The following CEP170B variants were observed in gnomAD, a reference collection of about 807,000 sequenced individuals.
CEP170B encodes centrosomal protein 170B, also known as centrosomal protein of 170 kDa protein B.
CEP170B carries 55 observed loss-of-function variants against 120.6 expected under a neutral mutation model. That is an observed-to-expected ratio of 0.46 (90% CI 0.37 to 0.57). The LOEUF (loss-of-function observed/expected upper bound fraction) is 0.57. Among genes scored for constraint, CEP170B ranks in the 20% least tolerant of loss-of-function variants. The probability of loss-of-function intolerance (pLI) is 0.00; values close to 1 mark genes in which losing one functional copy is unlikely to be tolerated. For missense variants in CEP170B, 2,212 were observed against 2,253.3 expected (o/e 0.98, Z 0.37); for synonymous variants, 1,033 against 954.5 (o/e 1.08, Z -1.52).
Position 104,896,196 on chromosome 14 carries a change from A to G in CEP170B, c.*1238A>G. On this transcript the variant is annotated 3_prime_UTR_variant, in exon 19 of 19. Coordinates refer to ENST00000414716, the MANE Select transcript of CEP170B (RefSeq NM_001112726.3). ...CCTGGACAGGGCCAGCTGCTGGGGG[A>G]GCGGCACTGGGGACTGGAGGCTGGA... The G allele has an allele frequency of 4.7e-6, 1 of 210,634 alleles. No homozygotes were observed. Among genetic ancestry groups the G allele is most frequent in the South Asian group, 6.9e-5 (1 of 14,472 alleles). The allele number at this position is 210,634 out of a possible 1,614,324, so 13.0% of individuals were successfully genotyped here.
Position 104,896,330 on chromosome 14 carries a change from G to C in CEP170B, c.*1372G>C, listed in dbSNP as rs753257324. The stretch of plus-strand genomic sequence containing the variant: ...CCTGATGTTTACGTGTGTGTGTGAG[G>C]GGGGGCGGGGGTGGCAGGTGTCCCC... On this transcript the variant is annotated 3_prime_UTR_variant, in exon 19 of 19. Coordinates refer to ENST00000414716, the MANE Select transcript of CEP170B (RefSeq NM_001112726.3). 10 of 339,408 alleles carry C rather than the reference G, an allele frequency of 2.9e-5. No individual in the cohort carries two copies. The highest frequency in any genetic ancestry group is 5.3e-5 in the Non-Finnish European group (9 of 170,180). 21.0% of individuals were successfully genotyped at this position (339,408 alleles called of 1,614,324 possible). A position where few individuals can be genotyped will look rare whatever the true frequency, so the allele number is the denominator to read the frequency against.
rs2140614364 is a variant in CEP170B at position 104,868,529 on chromosome 14, C to T, written c.79C>T (p.Arg27Cys). Residue 27 changes from arginine (R) to cysteine (C), a missense_variant, in exon 2 of 19, where the codon CGT (arginine) becomes TGT (cysteine). By Grantham distance (180) the Arg-to-Cys change is radical (BLOSUM62 -3). Around this residue, in one of 2 missense-constraint regions of CEP170B, gnomAD observed 46 missense variants for 86.6 expected, o/e 0.53. Coordinates refer to ENST00000414716, the MANE Select transcript of CEP170B (RefSeq NM_001112726.3). The surrounding 1 kb of genome is among the most constrained non-coding windows in gnomAD (Gnocchi z 5.9). ...CCCTCGGGAGCTCATCTTCGTGGGG[C>T]GTGAGGAGTGTGAGCTCATGCTACA... The part of the protein sequence containing the change: ...RLPRELIFVG[R>C]EECELMLQSR... 1.3e-6 allele frequency: 2 copies of T among 1,549,696 alleles called. No individual in the cohort carries two copies.
At chr14:104,872,652 G>A (rs939648891) in intron 2 of CEP170B, among the ~76,000 whole-genome samples, 2 of 152,162 alleles carry the variant, frequency 1.3e-5, no homozygotes, top group Admixed American at 6.5e-5. Context: ...TGCTGCCCCA[G>A]AGACCACAGC....
Position 104,886,860 on chromosome 14 carries a change from C to T in CEP170B, c.2621C>T (p.Ala874Val). 6.2e-7 allele frequency: 1 copy of T among 1,610,840 alleles called. No homozygotes were observed. Among genetic ancestry groups the T allele is most frequent in the African/African-American group, 1.3e-5 (1 of 75,050 alleles). The stretch of plus-strand genomic sequence containing the variant: ...CAAGAGAGCTTCACTAAGGAGCCAG[C>T]CAGTGGTCCCCCAGCGCCCGGCAAG... ...LRQESFTKEP[A>V]SGPPAPGKPP... is the part of the protein sequence containing the mutation. The change falls in exon 12 of 19, where the codon GCC becomes GTC. Residue 874 changes from alanine (A) to valine (V), a missense_variant. Around this residue, in one of 2 missense-constraint regions of CEP170B, gnomAD observed 2,166 missense variants for 2,166.7 expected, o/e 1.00. Coordinates refer to ENST00000414716, the MANE Select transcript of CEP170B (RefSeq NM_001112726.3).
Position 104,867,512 on chromosome 14 carries a change from C to G in CEP170B, c.-27-912C>G, listed in dbSNP as rs934889385. 6.6e-6 allele frequency among the ~76,000 whole-genome samples: 1 copy of G among 152,186 alleles called. No individual in the cohort carries two copies. The highest frequency in any genetic ancestry group is 1.5e-5 in the Non-Finnish European group (1 of 68,034). On this transcript the variant is annotated intron_variant, in intron 1 of 18. Coordinates refer to ENST00000414716, the MANE Select transcript of CEP170B (RefSeq NM_001112726.3). This position sits in a 1 kb window ranked among gnomAD's most constrained non-coding sequence, Gnocchi z 5.4. ...CCAGGCCGCCTAGCCCATAGCAGCA[C>G]TCAGGATGTGCTGGGCAGTGGGGTG...
chr14:104,896,407 C>T lies in CEP170B; in HGVS notation c.*1449C>T, dbSNP rs530612840. ...TGTCTGTATGGAGGAGGTGCTAGCC[C>T]GGTCCACCGGGCTGCTGCCCACCCC... is the stretch of plus-strand genomic sequence containing the variant. On this transcript the variant is annotated 3_prime_UTR_variant, in exon 19 of 19. Coordinates refer to ENST00000414716, the MANE Select transcript of CEP170B (RefSeq NM_001112726.3). The T allele has an allele frequency of 1.3e-4, 49 of 367,012 alleles. 1 individual carries two copies. The highest frequency in any genetic ancestry group is 5.9e-4 in the South Asian group (30 of 50,696). 22.7% of individuals were successfully genotyped at this position (367,012 alleles called of 1,614,324 possible). A position where few individuals can be genotyped will look rare whatever the true frequency, so the allele number is the denominator to read the frequency against.
intron 7 of CEP170B, 22 bp from the exon 8 acceptor site, chr14:104,883,013 T>G (rs1238607625): frequency 6.7e-7 from 1 of 1,491,026 alleles, no homozygotes; most frequent in South Asian, 1.3e-5. Context: ...AGGCCCGGTC[T>G]GAAGACATCT....
intron 13 of CEP170B, among the ~76,000 whole-genome samples, chr14:104,890,783 AGATG>A (rs1219163929): frequency 3.8e-3 from 47 of 12,318 alleles, no homozygotes; most frequent in South Asian, 5.2e-3. Flanking sequence ...ATGAGTGGGT[AGATG>A]GATGGATGGA....
chr14:104,878,070 T>C, intron 4 of CEP170B, 107 bp downstream of exon 4: 1 of 936,882 alleles, frequency 1.1e-6, no homozygotes, highest in Admixed American at 2.1e-5. Context: ...GGTTGCTGGG[T>C]AACAGAGCAC....
In CEP170B at chr14:104,886,047, C is replaced by G. The variant is rs779018906; in HGVS notation, c.1952C>G (p.Pro651Arg). 6.5e-7 allele frequency: 1 copy of G among 1,537,684 alleles called. No individual in the cohort carries two copies. The highest frequency in any genetic ancestry group is 1.4e-5 in the African/African-American group (1 of 72,458). ...CCACCCTCCTCTCCACAGGGCCTCCCGGTGCCGGGCTCCCCTGGGGGTCAG... is the reference window on the plus strand; with the variant it reads ...CCACCCTCCTCTCCACAGGGCCTCCGGGTGCCGGGCTCCCCTGGGGGTCAG... ...AAPQAEHQGL[P>R]VPGSPGGQKW... is the part of the protein sequence containing the mutation. The change falls in exon 11 of 19, where the codon CCG becomes CGG. Residue 651 changes from proline (P) to arginine (R), a missense_variant. Pro to Arg is a moderately radical substitution (Grantham distance 103, BLOSUM62 -2). Transcript: ENST00000414716.
Position 104,876,333 on chromosome 14 carries a change from C to G in CEP170B, c.183C>G (p.Gly61=). The G allele has an allele frequency of 6.4e-7, 1 of 1,550,868 alleles. No individual in the cohort carries two copies. The highest frequency in any genetic ancestry group is 8.7e-7 in the Non-Finnish European group (1 of 1,146,802). ...ACGAGCACTGGGTGAAGGACCTGGG[C>G]AGCCTCAATGGGGTAAGTGTGAGAG... ...DRDEHWVKDL[G]SLNGTFVNDM... Residue 61 remains glycine (G), a synonymous_variant, in exon 3 of 19, where the codon GGC becomes GGG. Transcript: ENST00000414716.
At chr14:104,892,750 C>G (rs988389248) in intron 13 of CEP170B, among the ~76,000 whole-genome samples, 1 of 152,276 alleles carries the variant, frequency 6.6e-6, no homozygotes, top group Non-Finnish European at 1.5e-5. Flanking sequence ...CCCCCACCAT[C>G]CCTCCTTGTG....
At chr14:104,874,981 C>T (rs1415642080) in intron 2 of CEP170B, among the ~76,000 whole-genome samples, 4 of 152,242 alleles carry the variant, frequency 2.6e-5, no homozygotes, top group Admixed American at 2.0e-4. Context: ...TGTGTGATCT[C>T]CTCTCTGAGT....
At chr14:104,890,183 T>G (rs1896741667) in intron 13 of CEP170B, among the ~76,000 whole-genome samples, 1 of 67,272 alleles carries the variant, frequency 1.5e-5, no homozygotes, top group Non-Finnish European at 2.9e-5. Context: ...GATGGATGGA[T>G]GGATGGGTGG....
Position 104,885,374 on chromosome 14 carries a change from T to C in CEP170B, c.1776T>C (p.Phe592=). Residue 592 remains phenylalanine, a synonymous_variant, in exon 10 of 19, where the codon TTT becomes TTC. Coordinates refer to ENST00000414716, the MANE Select transcript of CEP170B (RefSeq NM_001112726.3). ...GGACCATTTCCTCTTGGCAGGTCTT[T>C]GGGGTGTTGGAGTCCCCTGAACTCT... The part of the protein sequence containing the change: ...EEARKMIDQV[F]GVLESPELSR... 1 of 1,562,604 alleles carries C rather than the reference T, an allele frequency of 6.4e-7. No individual in the cohort carries two copies.
intron 6 of CEP170B, among the ~76,000 whole-genome samples, chr14:104,880,859 A>T (rs1315423103): frequency 6.8e-6 from 1 of 146,834 alleles, no homozygotes; most frequent in East Asian, 2.0e-4. Flanking sequence ...CTGTACACAC[A>T]TCTACCTGTG....
intron 2 of CEP170B, among the ~76,000 whole-genome samples, chr14:104,874,893 G>A (rs987966565): frequency 9.9e-5 from 15 of 152,160 alleles, no homozygotes; most frequent in African/African-American, 3.1e-4. Flanking sequence ...CCCAGCTGCA[G>A]CTTCCCTGCC....
chr14:104,893,986 T>A (rs1896973016), intron 16 of CEP170B, 137 bp downstream of exon 16: 2 of 825,396 alleles, frequency 2.4e-6, no homozygotes, highest in Non-Finnish European at 3.9e-6. Context: ...CCCTCCCGTG[T>A]GCACGTGTAT....
rs2140720626 is a variant in CEP170B at position 104,887,229 on chromosome 14, G to A, written c.2990G>A (p.Gly997Asp). Reference protein sequence around the residue: ...PSPPAAQDPGGTALVSAREQS... With the variant: ...PSPPAAQDPGDTALVSAREQS... ...CCGCCAGCTGCACAGGACCCGGGAGGCACCGCCCTGGTCAGTGCCCGTGAG... is the reference window on the plus strand; with the variant it reads ...CCGCCAGCTGCACAGGACCCGGGAGACACCGCCCTGGTCAGTGCCCGTGAG... Residue 997 changes from glycine (G) to aspartate (D), a missense_variant, in exon 12 of 19, where the codon GGC becomes GAC. Physicochemically the swap from Gly to Asp is moderately conservative, Grantham distance 94. Coordinates refer to ENST00000414716, the MANE Select transcript of CEP170B (RefSeq NM_001112726.3). 1.2e-6 allele frequency: 2 copies of A among 1,606,056 alleles called. No individual in the cohort carries two copies. Among genetic ancestry groups the A allele is most frequent in the East Asian group, 4.5e-5 (2 of 44,878 alleles).
Sources: gnomAD v4.1 joint callset for allele counts (sites outside exome capture counted in the v4.1 genomes callset) on GRCh38, gnomAD v4.1.1 for gene constraint, gnomAD v4.1.1 regional missense constraint, Gnocchi (gnomAD v3.1) non-coding constraint, MANE v1.5 for transcripts, NCBI Gene and HGNC (gene_info 2026-07-23, HGNC 2026-07-21) for gene names.